The following MYCBP2 variants were observed in gnomAD, a reference collection of about 807,000 sequenced individuals.
MYCBP2 encodes the protein E3 ubiquitin-protein ligase MYCBP2.
MYCBP2 carries 120 observed loss-of-function variants against 525.3 expected under a neutral mutation model. That is an observed-to-expected ratio of 0.23 (90% CI 0.20 to 0.27). The LOEUF is 0.27. Among genes scored for constraint, MYCBP2 ranks in the 10% least tolerant of loss-of-function variants. The pLI is 1.00. For synonymous variants in MYCBP2, 1,894 were observed against 1,955.8 expected (o/e 0.97, Z 0.83); for missense variants, 4,149 against 5,657.1 (o/e 0.73, Z 8.55).
At chr13:77,301,698 G>C (rs1406183693) in intron 1 of MYCBP2, among the ~76,000 whole-genome samples, 1 of 152,096 alleles carries the variant, frequency 6.6e-6, no homozygotes, top group Non-Finnish European at 1.5e-5. Flanking sequence ...ATCAAAAGAA[G>C]CAAAATATGT....
intron 14 of MYCBP2, among the ~76,000 whole-genome samples, chr13:77,251,698 CAA>C (rs1420671272): frequency 3.3e-5 from 5 of 152,138 alleles, no homozygotes; most frequent in Admixed American, 1.3e-4. Flanking sequence ...TGCTCCAAGC[CAA>C]GAGTTCCCCA....
At position 77,260,600 on chromosome 13, in the gene MYCBP2, A is replaced by G. The variant is rs73223428; in HGVS notation, c.1853-8T>C. 33,999 of 1,579,202 alleles carry G rather than the reference A, an allele frequency of 0.022. 533 individuals carry two copies. The highest frequency in any genetic ancestry group is 0.054 in the Middle Eastern group (322 of 5,950). ...ATTGCCGTCTGCTCTTAGCTTTAAAAAAGAAATTAGATTAAATCAAGACCT... is the reference window on the plus strand; with the variant it reads ...ATTGCCGTCTGCTCTTAGCTTTAAAGAAGAAATTAGATTAAATCAAGACCT... On this transcript the variant is annotated splice_region_variant and splice_polypyrimidine_tract_variant and intron_variant, in intron 12 of 82. Transcript: ENST00000544440.
chr13:77,051,713 G>A (rs943763376), intron 81 of MYCBP2, 98 bp downstream of exon 81: 5 of 805,034 alleles, frequency 6.2e-6, no homozygotes, highest in Middle Eastern at 5.1e-4. Flanking sequence ...AAATACTGAG[G>A]AGAAAAGCCT....
intron 1 of MYCBP2, among the ~76,000 whole-genome samples, chr13:77,322,817 T>C (rs1224338213): frequency 6.6e-6 from 1 of 152,240 alleles, no homozygotes; most frequent in Non-Finnish European, 1.5e-5. Context: ...GAACAGATCA[T>C]ACATTCCTTC....
intron 1 of MYCBP2, among the ~76,000 whole-genome samples, chr13:77,312,582 A>T (rs1350526884): frequency 6.6e-6 from 1 of 152,048 alleles, no homozygotes; most frequent in Non-Finnish European, 1.5e-5. Context: ...TAAAAAAAGT[A>T]AATACAAAGA....
chr13:77,255,643 C>CCATTT (rs2072050500), intron 14 of MYCBP2, among the ~76,000 whole-genome samples: 1 of 151,842 alleles, frequency 6.6e-6, no homozygotes, highest in Admixed American at 6.6e-5. Context: ...GTGAAGTAAT[C>CCATTT]CATTTCTTTT....
Position 77,097,541 on chromosome 13 carries a change from A to G in MYCBP2, c.9613T>C (p.Ser3205Pro), listed in dbSNP as rs1304051466. The change falls in exon 56 of 83, where the codon TCC becomes CCC. Residue 3205 changes from serine (S) to proline (P), a missense_variant. Coordinates refer to ENST00000544440, the MANE Select transcript of MYCBP2 (RefSeq NM_015057.5). ...TCTTTTTTCTTTTTTTCCTTTTTGG[A>G]CTTCTTATTCTCTTTCTCACACTCT... ...KKECEKENKK[S>P]KKEKKKKEKA... is the part of the protein sequence containing the mutation. 1 of 1,611,848 alleles carries G rather than the reference A, an allele frequency of 6.2e-7. No individual in the cohort carries two copies. Among genetic ancestry groups the G allele is most frequent in the African/African-American group, 1.3e-5 (1 of 74,454 alleles).
chr13:77,093,263 A>T lies in MYCBP2; in HGVS notation c.10269T>A (p.Arg3423=), dbSNP rs765797414. 73 of 1,613,388 alleles carry T rather than the reference A, an allele frequency of 4.5e-5. No homozygotes were observed. Among genetic ancestry groups the T allele is most frequent in the Non-Finnish European group, 5.7e-5 (67 of 1,179,590 alleles). ...NLFQDEMRYL[R]STSVPAPYIS... Reference sequence around the variant, plus strand: ...TATACGGGGCAGGTACAGATGTTGAACGTAGATATCTCATTTCATCCTGGA... The same window carrying T: ...TATACGGGGCAGGTACAGATGTTGATCGTAGATATCTCATTTCATCCTGGA... Residue 3423 remains arginine, a synonymous_variant, in exon 59 of 83, where the codon CGT becomes CGA. Transcript: ENST00000544440.
Position 77,288,412 on chromosome 13 carries a change from C to G in MYCBP2, c.379-36G>C, listed in dbSNP as rs567222352. On this transcript the variant is annotated intron_variant, in intron 2 of 82. Coordinates refer to ENST00000544440, the MANE Select transcript of MYCBP2 (RefSeq NM_015057.5). ...AAACAGAATATTTCCATTTCACACT[C>G]TTTTCTATCATCAAGTCCCATTTTA... 1.0e-5 allele frequency: 16 copies of G among 1,535,368 alleles called. No individual in the cohort carries two copies. The African/African-American group carries it at 1.4e-4, about 13-fold the overall frequency.
chr13:77,255,038 G>A (rs1004027858), intron 14 of MYCBP2, among the ~76,000 whole-genome samples: 2 of 151,772 alleles, frequency 1.3e-5, no homozygotes, highest in Non-Finnish European at 2.9e-5. Context: ...TTGGTGTTGT[G>A]GATATGGCTA....
At chr13:77,069,004 CAAGTA>C (rs1350389840) in intron 69 of MYCBP2, among the ~76,000 whole-genome samples, 173 bp from the exon 70 acceptor site, 2 of 152,110 alleles carry the variant, frequency 1.3e-5, no homozygotes, top group African/African-American at 4.8e-5. Context: ...ATCTAAGAAA[CAAGTA>C]AAGCTAAGGG....
rs553754798 is a variant in MYCBP2, at chr13:77,119,462, T to G, written c.8140+1911A>C. On this transcript the variant is annotated intron_variant, in intron 55 of 82. Transcript: ENST00000544440. The stretch of plus-strand genomic sequence containing the variant: ...ACTGTGTACACGAGCCATATATCTT[T>G]TTTTGAAATAATAAATAAATGCTGT... 1.1e-3 allele frequency among the ~76,000 whole-genome samples: 170 copies of G among 152,258 alleles called. 2 individuals carry two copies. In the South Asian group the frequency reaches 0.034, roughly 30 times the overall value.
At position 77,046,588 on chromosome 13, in the gene MYCBP2, G is replaced by C. The variant is rs537257086; in HGVS notation, c.13922-1095C>G. On this transcript the variant is annotated intron_variant, in intron 82 of 82. Transcript: ENST00000544440. ...ACAGTATAATACCCAATAAATGTTG[G>C]CTATTACTACTATTACTGAACAACC... is the stretch of plus-strand genomic sequence containing the variant. Among the ~76,000 whole-genome samples the C allele has an allele frequency of 3.9e-5, 6 of 152,280 alleles. No individual in the cohort carries two copies. The South Asian group carries it at 8.3e-4, about 21-fold the overall frequency.
At chr13:77,232,869 T>C (rs937801241) in intron 18 of MYCBP2, among the ~76,000 whole-genome samples, 6 of 152,182 alleles carry the variant, frequency 3.9e-5, no homozygotes, top group African/African-American at 1.2e-4. Flanking sequence ...AAGCAATAAT[T>C]ATTTTTTCCA....
Position 77,217,834 on chromosome 13 carries a change from C to T in MYCBP2, c.3057+6G>A, listed in dbSNP as rs998311831. 4.5e-6 allele frequency: 7 copies of T among 1,571,132 alleles called. No homozygotes were observed. The African/African-American group carries it at 9.6e-5, about 21-fold the overall frequency. On this transcript the variant is annotated splice_donor_region_variant and intron_variant, in intron 21 of 82. Coordinates refer to ENST00000544440, the MANE Select transcript of MYCBP2 (RefSeq NM_015057.5). ...CAATATTATTAATGTTTTAAAAATTCCTTACAGAAAAACTTCCAAATGTGA... is the reference window on the plus strand; with the variant it reads ...CAATATTATTAATGTTTTAAAAATTTCTTACAGAAAAACTTCCAAATGTGA...
At chr13:77,255,593 C>T (rs2072039890) in intron 14 of MYCBP2, among the ~76,000 whole-genome samples, 1 of 151,854 alleles carries the variant, frequency 6.6e-6, no homozygotes, top group African/African-American at 2.4e-5. Flanking sequence ...TTATCCAAAA[C>T]AAGTTCACTA....
chr13:77,293,141 TG>T (rs2077674941), intron 2 of MYCBP2, among the ~76,000 whole-genome samples: 1 of 152,124 alleles, frequency 6.6e-6, no homozygotes, highest in African/African-American at 2.4e-5. Flanking sequence ...CAGACGCATT[TG>T]GGATTAGGAA....
intron 44 of MYCBP2, among the ~76,000 whole-genome samples, chr13:77,160,237 G>GA: frequency 6.6e-6 from 1 of 152,144 alleles, no homozygotes; most frequent in Non-Finnish European, 1.5e-5. Flanking sequence ...CAGCTAATGA[G>GA]ACGGGGTTTC....
intron 1 of MYCBP2, among the ~76,000 whole-genome samples, chr13:77,321,110 C>T (rs2081556007): frequency 6.6e-6 from 1 of 152,176 alleles, no homozygotes; most frequent in South Asian, 2.1e-4. Context: ...ATTAACCTAA[C>T]CCCTCCTCAG....
Sources: gnomAD v4.1 joint callset for allele counts (sites outside exome capture counted in the v4.1 genomes callset) on GRCh38, gnomAD v4.1.1 for gene constraint, MANE v1.5 for transcripts, NCBI Gene and HGNC (gene_info 2026-07-23, HGNC 2026-07-21) for gene names.